HERC1: variants seen among roughly 807,000 people sequenced by gnomAD.
The protein encoded by HERC1 is HECT and RLD domain containing E3 ubiquitin protein ligase family member 1.
A neutral mutation model predicts 554.3 loss-of-function variants in HERC1; 160 were observed. That is an observed-to-expected ratio of 0.29 (90% CI 0.25 to 0.33). The LOEUF is 0.33. Ranked by LOEUF, HERC1 falls within the 10% of genes least tolerant of loss-of-function variation. The pLI is 1.00. For synonymous variants in HERC1, 2,175 were observed against 2,131.7 expected (o/e 1.02, Z -0.56); for missense variants, 4,919 against 5,918.5 (o/e 0.83, Z 5.54).
intron 12 of HERC1, among the ~76,000 whole-genome samples, chr15:63,737,216 TGGAAAACAGGAA>T (rs996611327): frequency 4.0e-5 from 6 of 149,890 alleles, no homozygotes; most frequent in African/African-American, 1.5e-4. Flanking sequence ...GGGGAAAAGA[TGGAAAACAGGAA>T]GGAAAACACA....
chr15:63,642,003 G>A (rs965213015), intron 59 of HERC1, among the ~76,000 whole-genome samples: 5 of 152,120 alleles, frequency 3.3e-5, no homozygotes, highest in East Asian at 1.9e-4. Context: ...AGGTAGCACT[G>A]CTTTAACTCT....
chr15:63,716,502 A>T, intron 21 of HERC1, 29 bp from the exon 22 acceptor site: 2 of 1,526,672 alleles, frequency 1.3e-6, no homozygotes, highest in Admixed American at 4.6e-5. Context: ...AACTACACTA[A>T]ATACATTTTT....
intron 74 of HERC1, among the ~76,000 whole-genome samples, chr15:63,619,207 C>G (rs527780809): frequency 2.1e-4 from 32 of 152,160 alleles, no homozygotes; most frequent in African/African-American, 2.9e-4. Context: ...TAGCATGAAG[C>G]GTTGTTGAAT....
Position 63,764,138 on chromosome 15 carries a change from G to A in HERC1, c.984C>T (p.Gly328=), listed in dbSNP as rs1196801305. The A allele has an allele frequency of 6.2e-7, 1 of 1,611,080 alleles. No homozygotes were observed. Among genetic ancestry groups the A allele is most frequent in the Non-Finnish European group, 8.5e-7 (1 of 1,178,652 alleles). The change falls in exon 3 of 78, where the codon GGC becomes GGT. Residue 328 remains glycine, a synonymous_variant. Coordinates refer to ENST00000443617, the MANE Select transcript of HERC1 (RefSeq NM_003922.4). ...ATGCTGCCTCGTAAAGGGAGCACAA[G>A]CCATCCGATGTTCTGGTTGGTTCTC... ...QWREPTRTSD[G]LCSLYEAALC...
intron 54 of HERC1, 123 bp downstream of exon 54, chr15:63,649,602 G>C (rs2069564796): frequency 2.7e-6 from 2 of 737,966 alleles, no homozygotes; most frequent in Admixed American, 5.7e-5. Context: ...AACATGACTG[G>C]AAAATTTTGA....
intron 1 of HERC1, 80 bp downstream of exon 1, chr15:63,833,747 G>GCACACACACACACACACACACACACA (rs1279912396): frequency 2.5e-5 from 3 of 117,738 alleles, no homozygotes; most frequent in African/African-American, 1.2e-4. Flanking sequence ...GCACACACGC[G>GCACACACACACACACACACACACACA]CGCGCGCACA....
intron 3 of HERC1, among the ~76,000 whole-genome samples, chr15:63,760,181 G>A: frequency 6.6e-6 from 1 of 152,004 alleles, no homozygotes; most frequent in South Asian, 2.1e-4. Flanking sequence ...CAAGACAAAA[G>A]TTGGGAAGGG....
chr15:63,644,879 G>C (rs1341415010), intron 57 of HERC1, 113 bp downstream of exon 57: 7 of 712,892 alleles, frequency 9.8e-6, no homozygotes, highest in African/African-American at 1.8e-5. Flanking sequence ...TTTCCCAATG[G>C]ATCTTGCCCT....
intron 1 of HERC1, among the ~76,000 whole-genome samples, chr15:63,814,661 G>T (rs747524091): frequency 1.3e-5 from 2 of 152,038 alleles, no homozygotes; most frequent in Admixed American, 1.3e-4. Flanking sequence ...TAGAGACAGG[G>T]TTTTGCCATG....
chr15:63,685,636 A>G (rs2071715028), intron 34 of HERC1, among the ~76,000 whole-genome samples: 1 of 152,212 alleles, frequency 6.6e-6, no homozygotes, highest in Admixed American at 6.5e-5. Context: ...AAAAGGCATA[A>G]CTGAAGTCAA....
intron 42 of HERC1, among the ~76,000 whole-genome samples, chr15:63,665,552 T>C (rs1462842544): frequency 1.3e-5 from 2 of 152,160 alleles, no homozygotes; most frequent in East Asian, 3.9e-4. Flanking sequence ...AAAAGTTCAA[T>C]TCTATCAAAT....
intron 77 of HERC1, among the ~76,000 whole-genome samples, chr15:63,610,949 A>T (rs372447795): frequency 2.0e-5 from 3 of 152,264 alleles, no homozygotes; most frequent in South Asian, 2.1e-4. Flanking sequence ...AGTGTTCAGG[A>T]GGTGGAGAGA....
At chr15:63,726,169 A>G (rs1237176438) in intron 17 of HERC1, among the ~76,000 whole-genome samples, 1 of 152,062 alleles carries the variant, frequency 6.6e-6, no homozygotes, top group Non-Finnish European at 1.5e-5. Context: ...TTTAGTAGAG[A>G]TGGGGTTTCA....
In HERC1 at chr15:63,664,877, C is replaced by A. The variant is rs979732962; in HGVS notation, c.8556-283G>T. ...AGATCAAATATGACCTTAACTAAAT[C>A]CTAAAAGATTAAATACTTAAAATTT... On this transcript the variant is annotated intron_variant, in intron 42 of 77. Transcript: ENST00000443617. Among the ~76,000 whole-genome samples the A allele has an allele frequency of 1.2e-4, 18 of 152,180 alleles. 2 individuals are homozygous for A. The highest frequency in any genetic ancestry group is 8.5e-4 in the Admixed American group (13 of 15,284).
At chr15:63,777,902 T>A (rs2076160732) in intron 1 of HERC1, among the ~76,000 whole-genome samples, 1 of 152,174 alleles carries the variant, frequency 6.6e-6, no homozygotes, top group South Asian at 2.1e-4. Flanking sequence ...ATCTGGAAGT[T>A]TAATACACTC....
chr15:63,764,189 A>C lies in HERC1; in HGVS notation c.933T>G (p.Gly311=). 6.2e-7 allele frequency: 1 copy of C among 1,603,334 alleles called. No homozygotes were observed. ...TCCACTGACTCCGATCAGCAGATGA[A>C]CCCTATAATTAAAACATTGCGGGAC... ...TILMQMRRSL[G]SSADRSQWRE... is the part of the protein sequence containing the mutation. Residue 311 remains glycine, a splice_region_variant and synonymous_variant, in exon 3 of 78, where the codon GGT becomes GGG. Coordinates refer to ENST00000443617, the MANE Select transcript of HERC1 (RefSeq NM_003922.4).
rs190428949 is a variant in HERC1, at chr15:63,608,705, A to C, written c.*376T>G. ...AAACAAAATAAATATATGAATATTCATGTAAAACTGTCCTTTCTAATGAAC... is the reference window on the plus strand; with the variant it reads ...AAACAAAATAAATATATGAATATTCCTGTAAAACTGTCCTTTCTAATGAAC... On this transcript the variant is annotated 3_prime_UTR_variant, in exon 78 of 78. Coordinates refer to ENST00000443617, the MANE Select transcript of HERC1 (RefSeq NM_003922.4). 2.2e-3 allele frequency: 354 copies of C among 158,286 alleles called. 2 individuals are homozygous for C. Among genetic ancestry groups the C allele is most frequent in the Non-Finnish European group, 2.3e-3 (168 of 71,774 alleles). The allele number at this position is 158,286 out of a possible 1,614,324, so 9.8% of individuals were successfully genotyped here. A position where few individuals can be genotyped will look rare whatever the true frequency, so the allele number is the denominator to read the frequency against.
At chr15:63,774,167 C>A (rs1010727970) in intron 2 of HERC1, among the ~76,000 whole-genome samples, 4 of 152,112 alleles carry the variant, frequency 2.6e-5, no homozygotes, top group Non-Finnish European at 5.9e-5. Context: ...TATTCCCTTT[C>A]CCTCTTTTAT....
intron 2 of HERC1, among the ~76,000 whole-genome samples, chr15:63,768,759 T>A (rs2075861461): frequency 6.6e-6 from 1 of 152,186 alleles, no homozygotes; most frequent in Non-Finnish European, 1.5e-5. Flanking sequence ...CTAGGCTCCA[T>A]CCCTTACTGG....
Sources: allele counts gnomAD v4.1 joint callset (sites outside exome capture counted in the v4.1 genomes callset), GRCh38; gene constraint gnomAD v4.1.1; transcripts MANE v1.5; gene names NCBI Gene and HGNC (gene_info 2026-07-23, HGNC 2026-07-21).